Variants in WDR7 observed in about 807,000 individuals in gnomAD.
WDR7 encodes the protein WD repeat-containing protein 7.
In WDR7, 46 loss-of-function variants were observed where a neutral mutation model predicts 169.4. The ratio of observed to expected loss-of-function variants is 0.27; its 90% CI spans 0.21 to 0.35. The LOEUF is 0.35. Among genes scored for constraint, WDR7 ranks in the 10% least tolerant of loss-of-function variants. The probability of loss-of-function intolerance (pLI) is 1.00; values close to 1 mark genes in which losing one functional copy is unlikely to be tolerated. For missense variants in WDR7, 1,534 were observed against 1,859.3 expected, an observed-to-expected ratio of 0.83 and a Z score of 3.22; for synonymous variants, 612 against 666.8, an observed-to-expected ratio of 0.92 and a Z score of 1.27.
chr18:56,696,353 T>A lies in WDR7; in HGVS notation c.1469T>A (p.Val490Glu). ...YDQRYLISGG[V>E]DFSVIIWDIF... ...CAAAGATACCTGATATCTGGAGGTGTGGATTTTTCAGTCATAATTTGGGAC... is the reference window on the plus strand; with the variant it reads ...CAAAGATACCTGATATCTGGAGGTGAGGATTTTTCAGTCATAATTTGGGAC... Residue 490 changes from valine to glutamate, a missense_variant, in exon 12 of 28, where the codon GTG becomes GAG. Transcript: ENST00000254442. 6.2e-7 allele frequency: 1 copy of A among 1,614,174 alleles called. No homozygotes were observed. Among genetic ancestry groups the A allele is most frequent in the Non-Finnish European group, 8.5e-7 (1 of 1,180,016 alleles).
In WDR7 at chr18:56,757,076, A is replaced by G. The variant is rs762954821; in HGVS notation, c.2483A>G (p.Lys828Arg). The G allele has an allele frequency of 5.6e-6, 9 of 1,613,968 alleles. No individual in the cohort carries two copies. The African/African-American group carries it at 1.2e-4, about 22-fold the overall frequency. ...TGCCTGGATCGCCTTGGAATGCTGA[A>G]ACCCCACTGCACCGTATCGTTTGGC... ...EVCLDRLGML[K>R]PHCTVSFGLL... is the part of the protein sequence containing the mutation. The change falls in exon 15 of 28, where the codon AAA (lysine) becomes AGA (arginine). Residue 828 changes from lysine to arginine, a missense_variant. Transcript: ENST00000254442.
chr18:56,964,365 C>T (rs1201806266), intron 26 of WDR7, among the ~76,000 whole-genome samples: 1 of 151,790 alleles, frequency 6.6e-6, no homozygotes, highest in Non-Finnish European at 1.5e-5. Flanking sequence ...ATTTAGGCAT[C>T]TTATTTTTGT....
intron 16 of WDR7, among the ~76,000 whole-genome samples, chr18:56,771,109 G>A (rs961190513): frequency 1.3e-5 from 2 of 152,116 alleles, no homozygotes; most frequent in Admixed American, 6.5e-5. Context: ...TTTAGGATAG[G>A]AATTTGTTTA....
chr18:56,971,281 CAAAA>C (rs35114589), intron 26 of WDR7, among the ~76,000 whole-genome samples: 9 of 102,968 alleles, frequency 8.7e-5, no homozygotes, highest in Admixed American at 1.0e-4. Flanking sequence ...TTCTGTCTCC[CAAAA>C]AAAAAAAAAA....
intron 26 of WDR7, among the ~76,000 whole-genome samples, chr18:56,989,210 T>C (rs1347271296): frequency 3.3e-5 from 5 of 152,182 alleles, no homozygotes; most frequent in Admixed American, 3.3e-4. Context: ...ATTCTGTGTC[T>C]GTACTCTCCA....
chr18:56,866,178 A>G (rs914055895), intron 20 of WDR7, among the ~76,000 whole-genome samples: 5 of 152,116 alleles, frequency 3.3e-5, no homozygotes, highest in Admixed American at 6.6e-5. Flanking sequence ...AACTTTCCTT[A>G]TCTATAAAAT....
At chr18:57,007,364 TA>T (rs2048076620) in intron 26 of WDR7, among the ~76,000 whole-genome samples, 1 of 152,204 alleles carries the variant, frequency 6.6e-6, no homozygotes, top group African/African-American at 2.4e-5. Context: ...TTAAGTATAT[TA>T]TACATTGGGC....
chr18:56,874,326 T>G (rs192588800), intron 20 of WDR7, among the ~76,000 whole-genome samples: 2 of 152,252 alleles, frequency 1.3e-5, no homozygotes, highest in East Asian at 3.9e-4. Context: ...CCCCCTTTAG[T>G]TACCATAGCT....
chr18:56,656,119 G>A (rs1262695418), intron 1 of WDR7, among the ~76,000 whole-genome samples: 3 of 151,998 alleles, frequency 2.0e-5, no homozygotes, highest in Non-Finnish European at 4.4e-5. Context: ...AAATGCCCAG[G>A]GACATGGTTG....
chr18:56,969,224 T>C (rs1187014029), intron 26 of WDR7, among the ~76,000 whole-genome samples: 1 of 152,232 alleles, frequency 6.6e-6, no homozygotes, highest in Non-Finnish European at 1.5e-5. Flanking sequence ...ACAAGTCATG[T>C]TGCCTCTCCT....
At chr18:56,809,523 A>G (rs1367034770) in intron 19 of WDR7, among the ~76,000 whole-genome samples, 2 of 152,166 alleles carry the variant, frequency 1.3e-5, no homozygotes, top group Non-Finnish European at 2.9e-5. Context: ...CATATAATTA[A>G]TTGACAATAT....
chr18:56,725,791 T>C (rs2144778228), intron 13 of WDR7, among the ~76,000 whole-genome samples: 2 of 152,322 alleles, frequency 1.3e-5, no homozygotes, highest in South Asian at 4.1e-4. Flanking sequence ...GTTTTAGGTC[T>C]AACATTTAAG....
intron 12 of WDR7, among the ~76,000 whole-genome samples, chr18:56,696,985 T>C (rs2025717986): frequency 6.6e-6 from 1 of 152,222 alleles, no homozygotes; most frequent in Non-Finnish European, 1.5e-5. Flanking sequence ...ACCAGATTGC[T>C]TTCTGATGCA....
chr18:56,900,674 A>G (rs2046390284), intron 21 of WDR7, among the ~76,000 whole-genome samples: 1 of 152,170 alleles, frequency 6.6e-6, no homozygotes, highest in Non-Finnish European at 1.5e-5. Context: ...GGGCTTGTAG[A>G]TAATGAAATT....
chr18:57,025,825 G>T (rs530378213), intron 27 of WDR7, among the ~76,000 whole-genome samples: 21 of 152,306 alleles, frequency 1.4e-4, no homozygotes, highest in Non-Finnish European at 2.8e-4. Flanking sequence ...TGATCCACAT[G>T]CAGGGGATGA....
chr18:56,762,243 CT>C (rs908800432), intron 16 of WDR7, among the ~76,000 whole-genome samples: 9 of 151,068 alleles, frequency 6.0e-5, no homozygotes, highest in East Asian at 5.8e-4. Context: ...TTTAGGAAAA[CT>C]TTTTTTTTCT....
chr18:56,967,351 C>G (rs2145789325), intron 26 of WDR7, among the ~76,000 whole-genome samples: 1 of 152,086 alleles, frequency 6.6e-6, no homozygotes, highest in South Asian at 2.1e-4. Context: ...TGTGCTTTTA[C>G]TTGGGAACCG....
At chr18:56,812,855 G>A (rs77567453) in intron 19 of WDR7, among the ~76,000 whole-genome samples, 2,112 of 152,078 alleles carry the variant, frequency 0.014, 30 homozygotes, top group East Asian at 0.035. Context: ...TCAGTACACT[G>A]ACTCACACAC....
At chr18:56,697,155 ATTTG>A (rs2025721513) in intron 12 of WDR7, among the ~76,000 whole-genome samples, 1 of 152,124 alleles carries the variant, frequency 6.6e-6, no homozygotes, top group Non-Finnish European at 1.5e-5. Context: ...ACACTCACTC[ATTTG>A]TTTGCACATA....
Sources: allele counts gnomAD v4.1 joint callset (sites outside exome capture counted in the v4.1 genomes callset), GRCh38; gene constraint gnomAD v4.1.1; transcripts MANE v1.5; gene names NCBI Gene and HGNC (gene_info 2026-07-23, HGNC 2026-07-21).